DPP6: variants seen among roughly 807,000 people sequenced by gnomAD.
DPP6 encodes the protein A-type potassium channel modulatory protein DPP6.
A neutral mutation model predicts 122.6 loss-of-function variants in DPP6; 69 were observed. The ratio of observed to expected loss-of-function variants is 0.56; its 90% CI spans 0.46 to 0.69. The LOEUF is 0.69. DPP6 is among the 30% of genes least tolerant of loss of function. DPP6 has a pLI of 0.00. For missense variants in DPP6, 928 were observed against 1,116.9 expected (o/e 0.83, Z 2.41); for synonymous variants, 418 against 433.1 (o/e 0.97, Z 0.43).
chr7:154,575,470 G>GTGTGTGGTGTGTGTGTGGTGTGTGTT (rs1423716852), intron 5 of DPP6, among the ~76,000 whole-genome samples: 2 of 34,560 alleles, frequency 5.8e-5, no homozygotes, highest in East Asian at 5.2e-3. Context: ...GCGGGTGTAT[G>GTGTGTGGTGTGTGTGTGGTGTGTGTT]TGTGTGGTGT....
At chr7:153,783,015 C>T in the DPP6 span, among the ~76,000 whole-genome samples, 1 of 152,134 alleles carries the variant, frequency 6.6e-6, no homozygotes, top group African/African-American at 2.4e-5. Flanking sequence ...AGGTGATGTG[C>T]TGAGAGTTAA....
At chr7:153,874,918 A>G in the DPP6 span, among the ~76,000 whole-genome samples, 2 of 152,220 alleles carry the variant, frequency 1.3e-5, no homozygotes, top group Non-Finnish European at 2.9e-5. Context: ...AGGTGTAATT[A>G]AAGTTGCAGA....
intron 3 of DPP6, among the ~76,000 whole-genome samples, chr7:154,476,563 C>G (rs1293281292): frequency 6.6e-6 from 1 of 152,196 alleles, no homozygotes; most frequent in Non-Finnish European, 1.5e-5. Flanking sequence ...ACACAAGACT[C>G]AGAGAGGAGG....
At chr7:154,701,887 C>T (rs145447923) in intron 7 of DPP6, among the ~76,000 whole-genome samples, 71 of 152,296 alleles carry the variant, frequency 4.7e-4, no homozygotes, top group African/African-American at 1.6e-3. Context: ...AATGCAGGCA[C>T]GTCTCATCTC....
intron 16 of DPP6, among the ~76,000 whole-genome samples, chr7:154,843,767 C>T (rs1232268895): frequency 6.6e-6 from 1 of 152,230 alleles, no homozygotes; most frequent in East Asian, 1.9e-4. Context: ...AGCTGCTTAC[C>T]TGGAATCACA....
At chr7:153,940,919 C>T (rs773047085) in intron 1 of DPP6, among the ~76,000 whole-genome samples, 5 of 152,142 alleles carry the variant, frequency 3.3e-5, no homozygotes, top group Non-Finnish European at 7.3e-5. Flanking sequence ...TCTCCTGTAG[C>T]GAAACCTGGA....
intron 1 of DPP6, among the ~76,000 whole-genome samples, chr7:154,317,075 T>G (rs1807497345): frequency 6.6e-6 from 1 of 152,174 alleles, no homozygotes; most frequent in Non-Finnish European, 1.5e-5. Context: ...TTTGGCTGTC[T>G]CCCTGTCCCC....
chr7:154,697,747 C>T (rs1014740809), intron 7 of DPP6, among the ~76,000 whole-genome samples: 1 of 152,288 alleles, frequency 6.6e-6, no homozygotes, highest in East Asian at 1.9e-4. Context: ...CGTAAAAATG[C>T]CACTTCTTCT....
chr7:154,834,725 A>G (rs186585946), intron 16 of DPP6, among the ~76,000 whole-genome samples: 1 of 152,350 alleles, frequency 6.6e-6, no homozygotes, highest in Non-Finnish European at 1.5e-5. Context: ...TGGGATCGTG[A>G]TGTTCACGGC....
At chr7:153,950,896 C>G (rs1189801344) in intron 1 of DPP6, among the ~76,000 whole-genome samples, 1 of 152,098 alleles carries the variant, frequency 6.6e-6, no homozygotes, top group African/African-American at 2.4e-5. Flanking sequence ...CAACATGTCT[C>G]GTGGAATGCA....
chr7:154,050,367 T>C (rs548546294), upstream of DPP6, among the ~76,000 whole-genome samples: 43 of 152,332 alleles, frequency 2.8e-4, no homozygotes, highest in Non-Finnish European at 5.6e-4. Context: ...ACATCTATCA[T>C]TGTATTTTGT....
intron 1 of DPP6, among the ~76,000 whole-genome samples, chr7:154,005,701 G>A (rs1452395786): frequency 6.8e-6 from 1 of 147,584 alleles, no homozygotes; most frequent in Non-Finnish European, 1.5e-5. Flanking sequence ...GGTGGGGGCT[G>A]GGGGGCTGTG....
intron 1 of DPP6, among the ~76,000 whole-genome samples, chr7:154,296,110 A>ATT (rs11385468): frequency 2.0e-5 from 3 of 151,686 alleles, no homozygotes; most frequent in African/African-American, 7.3e-5. Context: ...ATGCTGGCTA[A>ATT]TTTTTTGTAT....
the DPP6 span, among the ~76,000 whole-genome samples, chr7:153,829,461 A>G: frequency 6.6e-6 from 1 of 151,966 alleles, no homozygotes; most frequent in Non-Finnish European, 1.5e-5. Flanking sequence ...TGATCTGCCC[A>G]CGTTGGCCTC....
At chr7:154,016,737 T>G (rs1798437449) in intron 1 of DPP6, among the ~76,000 whole-genome samples, 1 of 152,232 alleles carries the variant, frequency 6.6e-6, no homozygotes, top group African/African-American at 2.4e-5. Flanking sequence ...CATACTGTTT[T>G]CCACACTGGC....
intron 1 of DPP6, among the ~76,000 whole-genome samples, chr7:154,308,523 T>A (rs1806573005): frequency 6.6e-6 from 1 of 152,160 alleles, no homozygotes; most frequent in East Asian, 1.9e-4. Flanking sequence ...TGAACTGAGT[T>A]GATCCTTTGG....
intron 1 of DPP6, among the ~76,000 whole-genome samples, chr7:154,101,869 A>G (rs961148855): frequency 2.1e-5 from 3 of 145,460 alleles, no homozygotes; most frequent in Non-Finnish European, 4.5e-5. Context: ...CAGAGGTTTC[A>G]GTGAGCCGAG....
At chr7:154,797,188 A>G (rs1249869376) in intron 12 of DPP6, among the ~76,000 whole-genome samples, 1 of 152,258 alleles carries the variant, frequency 6.6e-6, no homozygotes, top group Admixed American at 6.5e-5. Context: ...TTCAACCAAT[A>G]TTTATGGATC....
intron 1 of DPP6, among the ~76,000 whole-genome samples, chr7:153,936,321 A>G (rs149802880): frequency 2.3e-3 from 344 of 152,268 alleles, no homozygotes; most frequent in African/African-American, 7.7e-3. Flanking sequence ...GGAGCTGAGG[A>G]ACTGAAGACA....
Sources: gnomAD v4.1 joint callset for allele counts (sites outside exome capture counted in the v4.1 genomes callset) on GRCh38, gnomAD v4.1.1 for gene constraint, MANE v1.5 for transcripts, NCBI Gene and HGNC (gene_info 2026-07-23, HGNC 2026-07-21) for gene names.